The following LEKR1 variants were observed in gnomAD, a reference collection of about 807,000 sequenced individuals.
LEKR1 encodes leucine, glutamate and lysine rich 1.
In LEKR1, 59 loss-of-function variants were observed where a neutral mutation model predicts 72.4. That is an observed-to-expected ratio of 0.82 (90% CI 0.66 to 1.01). The LOEUF (loss-of-function observed/expected upper bound fraction) is 1.01, where lower values mean the gene tolerates loss of function less well. Among genes scored for constraint, LEKR1 ranks in the 50% least tolerant of loss-of-function variants. LEKR1 has a pLI of 0.00. For synonymous variants in LEKR1, 257 were observed against 263.2 expected (o/e 0.98, Z 0.23); for missense variants, 728 against 759.2 (o/e 0.96, Z 0.48).
intron 10 of LEKR1, among the ~76,000 whole-genome samples, chr3:157,016,505 A>G (rs1190151095): frequency 6.6e-6 from 1 of 152,140 alleles, no homozygotes; most frequent in Non-Finnish European, 1.5e-5. Context: ...TTCAAATATG[A>G]GAGTAAAATG....
intron 6 of LEKR1, among the ~76,000 whole-genome samples, chr3:156,948,485 G>A (rs183485677): frequency 6.6e-6 from 1 of 150,538 alleles, no homozygotes; most frequent in Non-Finnish European, 1.5e-5. Flanking sequence ...TTATTTTCTT[G>A]TCTCCTTCAT....
At chr3:156,869,523 C>G (rs1448662769) in intron 3 of LEKR1, among the ~76,000 whole-genome samples, 1 of 151,744 alleles carries the variant, frequency 6.6e-6, no homozygotes, top group African/African-American at 2.4e-5. Context: ...TTTGCATGTC[C>G]TTTGCCCACT....
intron 7 of LEKR1, among the ~76,000 whole-genome samples, chr3:156,990,881 A>G (rs1232446313): frequency 1.3e-5 from 2 of 152,168 alleles, no homozygotes; most frequent in Non-Finnish European, 2.9e-5. Context: ...CTAATAGGGA[A>G]TGGTGATAGA....
At chr3:156,929,726 G>A (rs1452607769) in intron 5 of LEKR1, among the ~76,000 whole-genome samples, 1 of 152,066 alleles carries the variant, frequency 6.6e-6, no homozygotes, top group Admixed American at 6.6e-5. Flanking sequence ...ATCCCATAAA[G>A]ACAGGACTAC....
At chr3:156,959,562 C>CT (rs896546666) in intron 6 of LEKR1, among the ~76,000 whole-genome samples, 2 of 152,074 alleles carry the variant, frequency 1.3e-5, no homozygotes, top group African/African-American at 4.8e-5. Flanking sequence ...ACCACTCTGC[C>CT]TTTTTTTCTT....
intron 7 of LEKR1, among the ~76,000 whole-genome samples, chr3:156,983,668 A>G (rs1366983765): frequency 6.6e-6 from 1 of 152,156 alleles, no homozygotes; most frequent in African/African-American, 2.4e-5. Flanking sequence ...AGAAGCATCT[A>G]TACTCAGACT....
At chr3:156,934,236 T>G (rs1265581332) in intron 5 of LEKR1, among the ~76,000 whole-genome samples, 1 of 152,230 alleles carries the variant, frequency 6.6e-6, no homozygotes, top group East Asian at 1.9e-4. Flanking sequence ...ACAGGAATTT[T>G]GATTGTTTTG....
intron 3 of LEKR1, among the ~76,000 whole-genome samples, chr3:156,901,488 G>A (rs183848204): frequency 1.1e-4 from 17 of 152,164 alleles, no homozygotes; most frequent in South Asian, 1.0e-3. Flanking sequence ...TATCATGTAC[G>A]TAGTGGGCTT....
At chr3:156,901,544 C>T (rs1214269118) in intron 3 of LEKR1, among the ~76,000 whole-genome samples, 5 of 152,076 alleles carry the variant, frequency 3.3e-5, no homozygotes. Context: ...TCCTTTTTCT[C>T]TCTAATGCAA....
chr3:157,036,123 A>G (rs1017236817), intron 12 of LEKR1, among the ~76,000 whole-genome samples: 4 of 152,212 alleles, frequency 2.6e-5, no homozygotes, highest in Admixed American at 2.0e-4. Context: ...GAACAGAAAC[A>G]ATAAGCAAAA....
intron 7 of LEKR1, among the ~76,000 whole-genome samples, chr3:156,984,872 T>G (rs1008759422): frequency 6.6e-6 from 1 of 151,964 alleles, no homozygotes; most frequent in Non-Finnish European, 1.5e-5. Context: ...TTTTTAAAGC[T>G]CTTACTTGGC....
intron 9 of LEKR1, among the ~76,000 whole-genome samples, chr3:156,996,517 G>A (rs1185540628): frequency 6.6e-6 from 1 of 152,204 alleles, no homozygotes; most frequent in Non-Finnish European, 1.5e-5. Flanking sequence ...ACCATTGAAG[G>A]TATTTAAGCA....
chr3:156,880,434 C>T (rs953262520), intron 3 of LEKR1, among the ~76,000 whole-genome samples: 2 of 152,198 alleles, frequency 1.3e-5, no homozygotes, highest in Non-Finnish European at 1.5e-5. Context: ...CATACACTCT[C>T]CCAAGACTAA....
intron 2 of LEKR1, among the ~76,000 whole-genome samples, chr3:156,841,116 G>C (rs1397767295): frequency 1.3e-5 from 2 of 152,182 alleles, no homozygotes; most frequent in Non-Finnish European, 2.9e-5. Context: ...TGAGAATGAA[G>C]AAGGCAGAAA....
intron 3 of LEKR1, among the ~76,000 whole-genome samples, chr3:156,856,910 T>C (rs1047908776): frequency 6.6e-6 from 1 of 152,082 alleles, no homozygotes; most frequent in Non-Finnish European, 1.5e-5. Context: ...TCCTCCTTTT[T>C]CTTGTCTTAT....
At position 156,943,973 on chromosome 3, in the gene LEKR1, T is replaced by C. The variant is rs566574651; in HGVS notation, c.745+1259T>C. Among the ~76,000 whole-genome samples the C allele has an allele frequency of 8.0e-4, 121 of 151,956 alleles. 1 individual carries two copies. The highest frequency in any genetic ancestry group is 2.8e-3 in the African/African-American group (116 of 41,526). ...ATTGCATTATTGGAATTTTTCTTGA[T>C]AATTTTATAGCAAATTTTATACAGT... On this transcript the variant is annotated intron_variant, in intron 6 of 12. Coordinates refer to ENST00000356539, the MANE Select transcript of LEKR1 (RefSeq NM_001004316.3).
At chr3:156,861,144 T>C (rs545872933) in intron 3 of LEKR1, among the ~76,000 whole-genome samples, 1 of 152,256 alleles carries the variant, frequency 6.6e-6, no homozygotes, top group East Asian at 1.9e-4. Context: ...AGGGCCTGCC[T>C]CACTGGGCCA....
intron 5 of LEKR1, among the ~76,000 whole-genome samples, chr3:156,929,954 A>G (rs966546403): frequency 2.0e-5 from 3 of 152,224 alleles, no homozygotes; most frequent in Admixed American, 6.5e-5. Flanking sequence ...GATAAAATCT[A>G]CAAATCAGCC....
Position 156,966,459 on chromosome 3 carries a change from A to T in LEKR1, c.746-12735A>T, listed in dbSNP as rs1452497103. On this transcript the variant is annotated intron_variant, in intron 6 of 12. Transcript: ENST00000356539. ...ACTGCGCTTTTCCAATGATCTTAGCAAATGACACATCAGGAGATTATATCC... is the reference window on the plus strand; with the variant it reads ...ACTGCGCTTTTCCAATGATCTTAGCTAATGACACATCAGGAGATTATATCC... Among the ~76,000 whole-genome samples, 3 of 152,232 alleles carry T rather than the reference A, an allele frequency of 2.0e-5. No individual in the cohort carries two copies. In the East Asian group the frequency reaches 5.8e-4, roughly 29 times the overall value.
Sources: gnomAD v4.1 joint callset for allele counts (sites outside exome capture counted in the v4.1 genomes callset) on GRCh38, gnomAD v4.1.1 for gene constraint, MANE v1.5 for transcripts, NCBI Gene and HGNC (gene_info 2026-07-23, HGNC 2026-07-21) for gene names.